Variants in RAD51AP2 observed in about 807,000 individuals in gnomAD.
RAD51AP2 encodes the protein RAD51-associated protein 2.
A neutral mutation model predicts 85.5 loss-of-function variants in RAD51AP2; 67 were observed. That is an observed-to-expected ratio of 0.78 (90% CI 0.64 to 0.96). The LOEUF (loss-of-function observed/expected upper bound fraction) is 0.96, where lower values mean the gene tolerates loss of function less well. Ranked by LOEUF, RAD51AP2 falls within the 40% of genes least tolerant of loss-of-function variation. The pLI is 0.00. For missense variants in RAD51AP2, 1,307 were observed against 1,332.4 expected (o/e 0.98, Z 0.30); for synonymous variants, 474 against 446.5 (o/e 1.06, Z -0.78).
chr2:17,511,818 A>G (rs1662501408), intron 2 of RAD51AP2, among the ~76,000 whole-genome samples: 2 of 152,244 alleles, frequency 1.3e-5, no homozygotes, highest in South Asian at 4.1e-4. Flanking sequence ...ATTAAGCTAC[A>G]TGTATAATAA....
At position 17,517,637 on chromosome 2, in the gene RAD51AP2, G is replaced by A. The variant is rs200772171; in HGVS notation, c.779C>T (p.Pro260Leu). 1.1e-4 allele frequency: 174 copies of A among 1,614,026 alleles called. 1 individual carries two copies. The African/African-American group carries it at 2.1e-3, about 20-fold the overall frequency. ...GCTATTTAAGTCCATTGGAAACTGA[G>A]GGACACTTATTGTGCCGCTATCTCT... ...YFRDSGTISV[P>L]QFPMDLNSKM... Residue 260 changes from proline (P) to leucine (L), a missense_variant, in exon 1 of 3, where the codon CCT (proline) becomes CTT (leucine). By Grantham distance (98) the Pro-to-Leu change is moderately conservative. Coordinates refer to ENST00000399080, the MANE Select transcript of RAD51AP2 (RefSeq NM_001099218.3).
chr2:17,537,272 T>C, the RAD51AP2 span, among the ~76,000 whole-genome samples: 1 of 151,862 alleles, frequency 6.6e-6, no homozygotes, highest in Non-Finnish European at 1.5e-5. Flanking sequence ...CAATAAGCTA[T>C]GATCCTGCCA....
Position 17,517,599 on chromosome 2 carries a change from C to G in RAD51AP2, c.817G>C (p.Val273Leu). The G allele has an allele frequency of 1.2e-6, 2 of 1,613,858 alleles. No individual in the cohort carries two copies. The highest frequency in any genetic ancestry group is 1.7e-6 in the Non-Finnish European group (2 of 1,179,874). The change falls in exon 1 of 3, where the codon GTC becomes CTC. Residue 273 changes from valine (V) to leucine (L), a missense_variant. Coordinates refer to ENST00000399080, the MANE Select transcript of RAD51AP2 (RefSeq NM_001099218.3). ...PMDLNSKMSSVYLKEIAKKKN... is the reference protein window; with the variant it reads ...PMDLNSKMSSLYLKEIAKKKN... ...TTCTTCGCTATTTCCTTTAAATAGACAGAGGACATTTTGCTATTTAAGTCC... is the reference window on the plus strand; with the variant it reads ...TTCTTCGCTATTTCCTTTAAATAGAGAGAGGACATTTTGCTATTTAAGTCC...
rs770339293 is a variant in RAD51AP2, at chr2:17,517,836, C to G, written c.580G>C (p.Asp194His). The G allele has an allele frequency of 2.8e-5, 46 of 1,614,140 alleles. No individual in the cohort carries two copies. The highest frequency in any genetic ancestry group is 1.6e-4 in the Middle Eastern group (1 of 6,062). The change falls in exon 1 of 3, where the codon GAT (aspartate) becomes CAT (histidine). Residue 194 changes from aspartate (D) to histidine (H), a missense_variant. Asp to His is a moderately conservative substitution (Grantham distance 81). This residue lies in a region of RAD51AP2 where 635 missense variants were observed against 643.6 expected (regional missense o/e 0.99). Transcript: ENST00000399080. ...TTAGTTTCCTTGTAAAAGGTAACAT[C>G]TAAAAATGGATTTTCTTTGTGAACA... ...DNVHKENPFL[D>H]VTFYKETKSP...
At chr2:17,525,552 G>A in the RAD51AP2 span, among the ~76,000 whole-genome samples, 1 of 152,086 alleles carries the variant, frequency 6.6e-6, no homozygotes, top group East Asian at 1.9e-4. Context: ...GGAAAAAATA[G>A]GATCAACATG....
chr2:17,518,566 TC>T, upstream of RAD51AP2: 1 of 788,642 alleles, frequency 1.3e-6, no homozygotes, highest in Non-Finnish European at 1.7e-6. Flanking sequence ...AATCCGCCCC[TC>T]CACAGCCCCA....
chr2:17,510,881 A>G lies in RAD51AP2; in HGVS notation c.3403T>C (p.Ser1135Pro), dbSNP rs2103302181. The G allele has an allele frequency of 6.2e-7, 1 of 1,610,520 alleles. No individual in the cohort carries two copies. Among genetic ancestry groups the G allele is most frequent in the South Asian group, 1.1e-5 (1 of 90,382 alleles). The change falls in exon 3 of 3, where the codon TCA becomes CCA. Residue 1135 changes from serine to proline, a missense_variant. Transcript: ENST00000399080. ...TCSRPIRIGL[S>P]RKARIKQLHP... The stretch of plus-strand genomic sequence containing the variant: ...AGTTGTTTAATCCTTGCTTTTCTTG[A>G]CAAACCAATCCTGATTGGCCTACTG...
chr2:17,535,881 C>T, the RAD51AP2 span, among the ~76,000 whole-genome samples: 2 of 142,114 alleles, frequency 1.4e-5, no homozygotes, highest in African/African-American at 5.3e-5. Flanking sequence ...TCTTCTTGAA[C>T]ACCCCCTTAG....
In RAD51AP2 at chr2:17,516,565, A is replaced by C. The variant is rs1433469467; in HGVS notation, c.1851T>G (p.Tyr617Ter). 6.3e-7 allele frequency: 1 copy of C among 1,581,366 alleles called. No homozygotes were observed. Among genetic ancestry groups the C allele is most frequent in the Non-Finnish European group, 8.6e-7 (1 of 1,160,152 alleles). The stretch of plus-strand genomic sequence containing the variant: ...TATGATTTTCCACTATATTTTTTGG[A>C]TACTTCAAATAAAGCATGCACTTGA... Reference protein sequence around the residue: ...CIFKCMLYLKYPKNIVENHTA... With the variant: ...CIFKCMLYLK The change falls in exon 1 of 3, where the codon TAT becomes TAG. Residue 617 changes from tyrosine to a stop codon, truncating the protein, a stop_gained. Coordinates refer to ENST00000399080, the MANE Select transcript of RAD51AP2 (RefSeq NM_001099218.3). LOFTEE classifies it high-confidence loss of function.
intron 1 of RAD51AP2, among the ~76,000 whole-genome samples, chr2:17,514,536 C>CA (rs1553293558): frequency 4.7e-5 from 7 of 149,614 alleles, no homozygotes; most frequent in Non-Finnish European, 7.4e-5. Context: ...CCGAGGGCGG[C>CA]GGGGGGGGTG....
chr2:17,516,300 T>G lies in RAD51AP2; in HGVS notation c.2116A>C (p.Ile706Leu). The change falls in exon 1 of 3, where the codon ATT (isoleucine) becomes CTT (leucine). Residue 706 changes from isoleucine (I) to leucine (L), a missense_variant. This residue lies in a region of RAD51AP2 where 668 missense variants were observed against 671.0 expected (regional missense o/e 1.00). Coordinates refer to ENST00000399080, the MANE Select transcript of RAD51AP2 (RefSeq NM_001099218.3). ...GGACAACTCATATTCTGACAAGTAA[T>G]TTCTCTTATTAAAGAAATTTCATCC... ...DMDEISLIRE[I>L]TCQNMSCPQQ... 6.2e-7 allele frequency: 1 copy of G among 1,606,148 alleles called. No homozygotes were observed. The highest frequency in any genetic ancestry group is 1.3e-5 in the African/African-American group (1 of 74,466).
intron 2 of RAD51AP2, among the ~76,000 whole-genome samples, chr2:17,512,701 C>T (rs1324168513): frequency 6.6e-6 from 1 of 152,154 alleles, no homozygotes; most frequent in Non-Finnish European, 1.5e-5. Flanking sequence ...TTCTTCCTTT[C>T]TTTCTGCCCT....
the RAD51AP2 span, among the ~76,000 whole-genome samples, chr2:17,524,570 T>C: frequency 4.6e-5 from 7 of 152,068 alleles, no homozygotes; most frequent in African/African-American, 1.7e-4. Flanking sequence ...ATTTCCATAC[T>C]AATCAATTAT....
At chr2:17,535,918 A>G in the RAD51AP2 span, among the ~76,000 whole-genome samples, 2 of 138,724 alleles carry the variant, frequency 1.4e-5, no homozygotes, top group Admixed American at 7.4e-5. Context: ...TCTAAAGGAT[A>G]TATGTGGTAA....
chr2:17,520,303 T>A (rs1336166871), upstream of RAD51AP2, among the ~76,000 whole-genome samples: 1 of 152,134 alleles, frequency 6.6e-6, no homozygotes, highest in Non-Finnish European at 1.5e-5. Context: ...TTATGTGGGT[T>A]TTTTCCTTTG....
chr2:17,519,046 G>GA (rs964723215), upstream of RAD51AP2, among the ~76,000 whole-genome samples: 4 of 151,934 alleles, frequency 2.6e-5, no homozygotes, highest in East Asian at 3.9e-4. Flanking sequence ...TCTATCTGAG[G>GA]AAAAAATGTG....
the RAD51AP2 span, among the ~76,000 whole-genome samples, chr2:17,532,385 T>C: frequency 6.6e-6 from 1 of 152,144 alleles, no homozygotes. Context: ...ATTCCAATCT[T>C]TGCCCCTGTA....
chr2:17,515,122 G>C (rs1283730776), intron 1 of RAD51AP2, 47 bp downstream of exon 1: 1 of 1,449,988 alleles, frequency 6.9e-7, no homozygotes, highest in East Asian at 2.3e-5. Flanking sequence ...GAAAAAAGCA[G>C]TAATTTTTCT....
In RAD51AP2 at chr2:17,518,382, C is replaced by T. The variant is rs764182179; in HGVS notation, c.34G>A (p.Glu12Lys). 36 of 1,612,942 alleles carry T rather than the reference C, an allele frequency of 2.2e-5. No homozygotes were observed. In the Admixed American group the frequency reaches 5.8e-4, roughly 26 times the overall value. ...AAAGAGGAGGTAGGCTTTCTGAGCT[C>T]GGCCATCCGCGGCGTGGGCTGAGGG... ...SLPQPTPRMA[E>K]LRKPTSSLTP... Residue 12 changes from glutamate to lysine, a missense_variant, in exon 1 of 3, where the codon GAG becomes AAG. Coordinates refer to ENST00000399080, the MANE Select transcript of RAD51AP2 (RefSeq NM_001099218.3).
Sources: gnomAD v4.1 joint callset for allele counts (sites outside exome capture counted in the v4.1 genomes callset) on GRCh38, gnomAD v4.1.1 for gene constraint, gnomAD v4.1.1 regional missense constraint, MANE v1.5 for transcripts, NCBI Gene and HGNC (gene_info 2026-07-23, HGNC 2026-07-21) for gene names.